NINL: variants seen among roughly 807,000 people sequenced by gnomAD.
The protein encoded by NINL is ninein like, also known as ninein-like protein.
Under a neutral mutation model 160.3 loss-of-function variants are expected in NINL, and 153 were observed. The observed-to-expected ratio is 0.95, with a 90% CI of 0.84 to 1.09. The LOEUF (loss-of-function observed/expected upper bound fraction) is 1.09, where lower values mean the gene tolerates loss of function less well. NINL is among the 50% of genes least tolerant of loss of function. The probability of loss-of-function intolerance (pLI) is 0.00; values close to 1 mark genes in which losing one functional copy is unlikely to be tolerated. For synonymous variants in NINL, 800 were observed against 734.8 expected, an observed-to-expected ratio of 1.09 and a Z score of -1.43; for missense variants, 1,829 against 1,764.0, an observed-to-expected ratio of 1.04 and a Z score of -0.66.
At chr20:25,565,117 C>T (rs536642666) in intron 1 of NINL, among the ~76,000 whole-genome samples, 26 of 152,206 alleles carry the variant, frequency 1.7e-4, no homozygotes, top group Non-Finnish European at 1.5e-5. Context: ...ATGATGAAGA[C>T]TGGAGAATAA....
At chr20:25,517,627 C>G (rs1427204275) in intron 3 of NINL, 126 bp downstream of exon 3, 3 of 697,964 alleles carry the variant, frequency 4.3e-6, no homozygotes, top group East Asian at 2.8e-5. Flanking sequence ...GTCCATATAC[C>G]TTGGGGGTGA....
intron 5 of NINL, among the ~76,000 whole-genome samples, chr20:25,507,223 T>A (rs112040994): frequency 0.021 from 3,189 of 149,546 alleles, 101 homozygotes; most frequent in African/African-American, 0.076. Flanking sequence ...TGAGTTAGCA[T>A]CAAAGTCTAG....
At position 25,467,517 on chromosome 20, in the gene NINL, C is replaced by T. The variant is rs56795563; in HGVS notation, c.3354-59G>A. 1,783 of 1,304,322 alleles carry T rather than the reference C, an allele frequency of 1.4e-3. 26 individuals are homozygous for T. In the African/African-American group the frequency reaches 0.023, roughly 17 times the overall value. 80.8% of individuals were successfully genotyped at this position (1,304,322 alleles called of 1,614,324 possible). A position where few individuals can be genotyped will look rare whatever the true frequency, so the allele number is the denominator to read the frequency against. ...TTGTGACCAACCAGTGCCTTCTTTCCTGGTCAGCACCCAGGGTAAGAGCAG... is the reference window on the plus strand; with the variant it reads ...TTGTGACCAACCAGTGCCTTCTTTCTTGGTCAGCACCCAGGGTAAGAGCAG... On this transcript the variant is annotated intron_variant, in intron 18 of 23. Coordinates refer to ENST00000278886, the MANE Select transcript of NINL (RefSeq NM_025176.6).
At chr20:25,545,521 T>G (rs568366279) in intron 1 of NINL, among the ~76,000 whole-genome samples, 1 of 152,030 alleles carries the variant, frequency 6.6e-6, no homozygotes, top group South Asian at 2.1e-4. Context: ...GCCAAGGGCA[T>G]TCCAAAGTTA....
intron 1 of NINL, among the ~76,000 whole-genome samples, chr20:25,584,135 A>T (rs2065202894): frequency 6.6e-6 from 1 of 152,234 alleles, no homozygotes; most frequent in South Asian, 2.1e-4. Context: ...CATGTATCCC[A>T]GAACTTAAAG....
chr20:25,517,912 G>T (rs944852545), intron 2 of NINL, 63 bp from the exon 3 acceptor site: 3 of 1,005,232 alleles, frequency 3.0e-6, no homozygotes, highest in Admixed American at 2.6e-5. Context: ...ATTCAAAAGT[G>T]ACTCTTTTGG....
intron 13 of NINL, among the ~76,000 whole-genome samples, chr20:25,482,459 C>CTAA (rs2063411287): frequency 6.6e-6 from 1 of 152,202 alleles, no homozygotes; most frequent in Non-Finnish European, 1.5e-5. Flanking sequence ...CTGCCTCTGC[C>CTAA]TCCCAAGTAG....
chr20:25,578,131 G>A (rs1195695803), intron 1 of NINL, among the ~76,000 whole-genome samples: 25 of 145,636 alleles, frequency 1.7e-4, no homozygotes, highest in African/African-American at 5.6e-4. Flanking sequence ...TTTTTTTTTA[G>A]ACGGAATCTC....
rs146630067 is a variant in NINL at position 25,530,848 on chromosome 20, C to T, written c.-11-4250G>A. ...AGATCACAGGACCACAGGACTGGGA[C>T]GAAATTAAAATTGCTAATGAAGTTT... On this transcript the variant is annotated intron_variant, in intron 1 of 23. Transcript: ENST00000278886. Among the ~76,000 whole-genome samples, 293 of 152,192 alleles carry T rather than the reference C, an allele frequency of 1.9e-3. 1 individual carries two copies. The highest frequency in any genetic ancestry group is 6.4e-3 in the African/African-American group (264 of 41,510).
In NINL at chr20:25,489,243, C is replaced by G; in HGVS notation, c.1677+1G>C. On this transcript the variant is annotated splice_donor_variant, in intron 13 of 23. Coordinates refer to ENST00000278886, the MANE Select transcript of NINL (RefSeq NM_025176.6). LOFTEE classifies it high-confidence loss of function. ...AAAAGGCAGACAGAGCAGGCACGTA[C>G]CCGGCACTTGAGCTCGTATTCCTTC... The G allele has an allele frequency of 6.2e-7, 1 of 1,614,076 alleles. No homozygotes were observed.
At chr20:25,553,618 C>T (rs962710531) in intron 1 of NINL, among the ~76,000 whole-genome samples, 3 of 152,166 alleles carry the variant, frequency 2.0e-5, no homozygotes, top group Non-Finnish European at 4.4e-5. Context: ...AAGTAAAGCC[C>T]ATATAAAATC....
intron 10 of NINL, among the ~76,000 whole-genome samples, chr20:25,494,906 G>C (rs1407540977): frequency 1.3e-5 from 2 of 152,226 alleles, no homozygotes; most frequent in African/African-American, 4.8e-5. Context: ...GGCTGACCCA[G>C]AAACAGTGTA....
At chr20:25,517,711 C>G (rs779182224) in intron 3 of NINL, 42 bp downstream of exon 3, 5 of 1,446,426 alleles carry the variant, frequency 3.5e-6, no homozygotes, top group Non-Finnish European at 3.8e-6. Context: ...CAAAAGTTAA[C>G]AAACAAATAA....
intron 16 of NINL, among the ~76,000 whole-genome samples, chr20:25,477,449 C>T (rs777905005): frequency 2.0e-5 from 3 of 152,228 alleles, no homozygotes; most frequent in Non-Finnish European, 2.9e-5. Flanking sequence ...GGCAGACATA[C>T]GACGTGGCCC....
chr20:25,465,672 C>T (rs401166), intron 19 of NINL, among the ~76,000 whole-genome samples: 46 of 151,878 alleles, frequency 3.0e-4, no homozygotes, highest in Non-Finnish European at 2.5e-4. Context: ...CGGCCGTCAA[C>T]GCTGTGTTTG....
chr20:25,462,614 T>C, intron 19 of NINL, 73 bp from the exon 20 acceptor site: 1 of 1,286,104 alleles, frequency 7.8e-7, no homozygotes. Flanking sequence ...CATTTGCCCA[T>C]CATTGGCTAT....
intron 1 of NINL, among the ~76,000 whole-genome samples, chr20:25,537,539 C>T (rs768749303): frequency 2.0e-5 from 3 of 152,214 alleles, no homozygotes; most frequent in Non-Finnish European, 4.4e-5. Context: ...AGCTAGTCAT[C>T]CCCACACACA....
intron 1 of NINL, among the ~76,000 whole-genome samples, chr20:25,534,900 G>A (rs2064530465): frequency 6.6e-6 from 1 of 152,142 alleles, no homozygotes; most frequent in Admixed American, 6.5e-5. Flanking sequence ...GTAAGTAGTT[G>A]TTATACCATA....
intron 1 of NINL, chr20:25,540,203 T>A (rs1256417488): frequency 5.0e-6 from 2 of 397,390 alleles, no homozygotes; most frequent in Non-Finnish European, 9.8e-6. Flanking sequence ...CAGTTTCTCT[T>A]AGTTTCATTT....
Sources: allele counts gnomAD v4.1 joint callset (sites outside exome capture counted in the v4.1 genomes callset), GRCh38; gene constraint gnomAD v4.1.1; transcripts MANE v1.5; gene names NCBI Gene and HGNC (gene_info 2026-07-23, HGNC 2026-07-21).